DPP10: variants seen among roughly 807,000 people sequenced by gnomAD.
DPP10 encodes dipeptidyl peptidase like 10.
A neutral mutation model predicts 120.9 loss-of-function variants in DPP10; 33 were observed. That is an observed-to-expected ratio of 0.27 (90% CI 0.21 to 0.37). The LOEUF is 0.37. Among genes scored for constraint, DPP10 ranks in the 10% least tolerant of loss-of-function variants. The pLI is 1.00. For missense variants in DPP10, 816 were observed against 942.8 expected, an observed-to-expected ratio of 0.87 and a Z score of 1.76; for synonymous variants, 337 against 326.1, an observed-to-expected ratio of 1.03 and a Z score of -0.36.
chr2:115,320,354 A>C (rs536253575), intron 2 of DPP10, among the ~76,000 whole-genome samples: 1 of 152,244 alleles, frequency 6.6e-6, no homozygotes, highest in Non-Finnish European at 1.5e-5. Context: ...TAATTTCTTA[A>C]AATGAAGTAA....
chr2:115,281,934 A>G (rs964883352), intron 1 of DPP10, among the ~76,000 whole-genome samples: 1 of 152,112 alleles, frequency 6.6e-6, no homozygotes, highest in East Asian at 1.9e-4. Context: ...TAGTTTTAGT[A>G]TTAATTTTTA....
At chr2:115,171,357 T>G in intron 1 of DPP10, among the ~76,000 whole-genome samples, 1 of 47,940 alleles carries the variant, frequency 2.1e-5, no homozygotes, top group East Asian at 5.1e-4. Context: ...CGAGACTCCA[T>G]CAAAAAAAAA....
At chr2:115,318,942 G>A (rs1439068332) in intron 2 of DPP10, among the ~76,000 whole-genome samples, 4 of 152,056 alleles carry the variant, frequency 2.6e-5, no homozygotes, top group Non-Finnish European at 1.5e-5. Flanking sequence ...AGAATTTCCA[G>A]TACAATGCTG....
Position 114,967,939 on chromosome 2 carries a change from C to T in DPP10, c.61-341300C>T, listed in dbSNP as rs191349178. 3.9e-5 allele frequency among the ~76,000 whole-genome samples: 6 copies of T among 152,162 alleles called. No homozygotes were observed. In the East Asian group the frequency reaches 1.2e-3, roughly 29 times the overall value. ...TTCTCAGGCCTCGACTTAGGCTTATCGAATAAAAATCTCTAGGACTGGGGC... is the reference window on the plus strand; with the variant it reads ...TTCTCAGGCCTCGACTTAGGCTTATTGAATAAAAATCTCTAGGACTGGGGC... On this transcript the variant is annotated intron_variant, in intron 1 of 25. Coordinates refer to ENST00000410059, the MANE Select transcript of DPP10 (RefSeq NM_020868.6).
chr2:115,690,945 TAATTACTCA>T (rs1408034214), intron 7 of DPP10, among the ~76,000 whole-genome samples: 1 of 152,184 alleles, frequency 6.6e-6, no homozygotes, highest in Non-Finnish European at 1.5e-5. Context: ...GACTTTTAAA[TAATTACTCA>T]AATGATGATA....
intron 1 of DPP10, among the ~76,000 whole-genome samples, chr2:114,731,288 C>A (rs1358381441): frequency 6.6e-6 from 1 of 151,242 alleles, no homozygotes; most frequent in Non-Finnish European, 1.5e-5. Context: ...CATTAAATTT[C>A]CAAGAATGCC....
intron 3 of DPP10, among the ~76,000 whole-genome samples, chr2:115,403,545 A>T (rs928805816): frequency 6.6e-6 from 1 of 150,868 alleles, no homozygotes; most frequent in Non-Finnish European, 1.5e-5. Flanking sequence ...GACTACAGGC[A>T]CCTGCCATAA....
chr2:114,713,943 C>T (rs1197768282), intron 1 of DPP10, among the ~76,000 whole-genome samples: 3 of 150,944 alleles, frequency 2.0e-5, no homozygotes, highest in Non-Finnish European at 4.4e-5. Context: ...CGAGATCGCA[C>T]CATTGCACTC....
chr2:115,499,315 A>C (rs181082256), intron 3 of DPP10, among the ~76,000 whole-genome samples, 195 bp from the exon 4 acceptor site: 21 of 152,170 alleles, frequency 1.4e-4, no homozygotes, highest in Admixed American at 1.4e-3. Context: ...TGTTCATTGC[A>C]CAATAGACCA....
At chr2:115,009,586 GAA>G (rs112056191) in intron 1 of DPP10, among the ~76,000 whole-genome samples, 2 of 126,698 alleles carry the variant, frequency 1.6e-5, no homozygotes, top group African/African-American at 5.7e-5. Context: ...AATAATAAAA[GAA>G]AAAAAAAAAA....
chr2:114,872,128 A>G (rs997078457), intron 1 of DPP10, among the ~76,000 whole-genome samples: 1 of 152,186 alleles, frequency 6.6e-6, no homozygotes, highest in Non-Finnish European at 1.5e-5. Context: ...GCTGCTATGA[A>G]GAAATACCCA....
chr2:115,496,448 T>G (rs1183409014), intron 3 of DPP10, among the ~76,000 whole-genome samples: 1 of 152,042 alleles, frequency 6.6e-6, no homozygotes, highest in Non-Finnish European at 1.5e-5. Context: ...TGATATTAAG[T>G]GTAGTCTTTA....
At chr2:115,794,830 T>C (rs952024969) in intron 19 of DPP10, among the ~76,000 whole-genome samples, 3 of 152,170 alleles carry the variant, frequency 2.0e-5, no homozygotes, top group African/African-American at 7.2e-5. Context: ...TAACCTCGTA[T>C]TGTTCTTTTT....
chr2:115,458,007 A>G (rs13027270), intron 3 of DPP10, among the ~76,000 whole-genome samples: 1 of 151,926 alleles, frequency 6.6e-6, no homozygotes, highest in African/African-American at 2.4e-5. Flanking sequence ...CTACTATAAG[A>G]TGGATAAGTC....
chr2:115,640,879 A>G (rs1416584735), intron 5 of DPP10, among the ~76,000 whole-genome samples: 1 of 152,194 alleles, frequency 6.6e-6, no homozygotes, highest in Non-Finnish European at 1.5e-5. Context: ...TAATTTATAA[A>G]GTACAAAGTT....
chr2:115,761,885 A>G (rs1680156455), intron 11 of DPP10, among the ~76,000 whole-genome samples: 2 of 152,182 alleles, frequency 1.3e-5, no homozygotes, highest in African/African-American at 2.4e-5. Context: ...CGTTTATTAT[A>G]GAATCATTTC....
chr2:115,726,641 G>T (rs2092771808), intron 7 of DPP10, among the ~76,000 whole-genome samples: 1 of 152,002 alleles, frequency 6.6e-6, no homozygotes, highest in South Asian at 2.1e-4. Context: ...GTATAAAAAA[G>T]ATCCTGTTGT....
At chr2:115,668,481 C>T (rs2089631892) in intron 5 of DPP10, among the ~76,000 whole-genome samples, 2 of 152,008 alleles carry the variant, frequency 1.3e-5, no homozygotes, top group Non-Finnish European at 2.9e-5. Context: ...TTTCCCAGAC[C>T]CCAGGAGCAT....
chr2:115,183,132 T>C (rs1038683741), intron 1 of DPP10, among the ~76,000 whole-genome samples: 1 of 152,194 alleles, frequency 6.6e-6, no homozygotes, highest in East Asian at 1.9e-4. Context: ...GTAGAACTAA[T>C]TGTGGCCAGA....
Sources: allele counts gnomAD v4.1 joint callset (sites outside exome capture counted in the v4.1 genomes callset), GRCh38; gene constraint gnomAD v4.1.1; transcripts MANE v1.5; gene names NCBI Gene and HGNC (gene_info 2026-07-23, HGNC 2026-07-21).